TCF4: variants seen among roughly 807,000 people sequenced by gnomAD.
The protein encoded by TCF4 is SL3-3 enhancer factor 2.
Under a neutral mutation model 82.1 loss-of-function variants are expected in TCF4, and 3 were observed. The observed-to-expected ratio is 0.04, with a 90% CI of 0.02 to 0.09. The LOEUF is 0.09. Ranked by LOEUF, TCF4 falls within the 10% of genes least tolerant of loss-of-function variation. The probability of loss-of-function intolerance (pLI) is 1.00; values close to 1 mark genes in which losing one functional copy is unlikely to be tolerated. For synonymous variants in TCF4, 276 were observed against 309.6 expected, an observed-to-expected ratio of 0.89 and a Z score of 1.14; for missense variants, 518 against 852.7, an observed-to-expected ratio of 0.61 and a Z score of 4.89.
intron 2 of TCF4, among the ~76,000 whole-genome samples, chr18:55,612,920 C>T (rs1474229005): frequency 6.6e-6 from 1 of 152,112 alleles, no homozygotes; most frequent in African/African-American, 2.4e-5. Context: ...TGCACTCCAG[C>T]CTGGGCAACA....
chr18:55,310,143 T>C (rs1223771849), intron 8 of TCF4, among the ~76,000 whole-genome samples: 1 of 152,176 alleles, frequency 6.6e-6, no homozygotes, highest in Admixed American at 6.5e-5. Flanking sequence ...AAAGTAAACC[T>C]AAACACATCA....
chr18:55,633,022 G>T lies in TCF4; in HGVS notation c.196-1634C>A, dbSNP rs1270896809. Reference sequence around the variant, plus strand: ...AGTCTTTGGTCAGTGGATGGTAAATGAAGGTTTTCTTATGTATTAGTTATC... The same window carrying T: ...AGTCTTTGGTCAGTGGATGGTAAATTAAGGTTTTCTTATGTATTAGTTATC... On this transcript the variant is annotated intron_variant, in intron 1 of 20. Transcript: ENST00000398339. This position sits in a 1 kb window ranked among gnomAD's most constrained non-coding sequence, Gnocchi z 4.0. Among the ~76,000 whole-genome samples, 1 of 152,224 alleles carries T rather than the reference G, an allele frequency of 6.6e-6. No homozygotes were observed.
At chr18:55,579,531 A>G (rs1204455587) in intron 3 of TCF4, among the ~76,000 whole-genome samples, 1 of 152,012 alleles carries the variant, frequency 6.6e-6, no homozygotes, top group East Asian at 1.9e-4. Flanking sequence ...TCTGTATAAA[A>G]TCTGACTTAT....
intron 15 of TCF4, among the ~76,000 whole-genome samples, chr18:55,248,472 C>T (rs555550419): frequency 5.3e-5 from 8 of 152,210 alleles, no homozygotes; most frequent in Non-Finnish European, 7.4e-5. Flanking sequence ...GCTCCCATGA[C>T]TATGTACCAA....
At chr18:55,632,037 T>TTTTTG (rs890158367) in intron 1 of TCF4, among the ~76,000 whole-genome samples, 6 of 152,120 alleles carry the variant, frequency 3.9e-5, no homozygotes, top group South Asian at 2.1e-4. Context: ...GTTGTTGTTG[T>TTTTTG]TTTTGTTTTG....
At chr18:55,617,099 C>T (rs116971134) in intron 2 of TCF4, among the ~76,000 whole-genome samples, 409 of 152,176 alleles carry the variant, frequency 2.7e-3, no homozygotes, top group Middle Eastern at 6.8e-3. Context: ...TGAAAAATTA[C>T]ATTTAAATCT....
intron 2 of TCF4, among the ~76,000 whole-genome samples, chr18:55,621,660 TAC>T (rs1383474723): frequency 4.1e-5 from 2 of 49,206 alleles, no homozygotes; most frequent in South Asian, 1.8e-3. Flanking sequence ...TTATATAATA[TAC>T]ATTATATAAT....
intron 6 of TCF4, chr18:55,351,762 A>G: frequency 1.4e-6 from 1 of 690,358 alleles, no homozygotes; most frequent in Non-Finnish European, 1.8e-6. Flanking sequence ...ATTATATAAT[A>G]TTACATTTTC....
intron 6 of TCF4, among the ~76,000 whole-genome samples, chr18:55,394,664 T>C (rs1382182417): frequency 6.6e-6 from 1 of 152,226 alleles, no homozygotes; most frequent in Non-Finnish European, 1.5e-5. Flanking sequence ...AAGCAACATT[T>C]GCATGTTGGA....
chr18:55,232,777 T>C (rs778931423), intron 16 of TCF4, 106 bp from the exon 17 acceptor site: 19 of 1,419,452 alleles, frequency 1.3e-5, no homozygotes, highest in Non-Finnish European at 1.7e-5. Context: ...ACTGTGATCC[T>C]TCTGTCACTT....
chr18:55,498,884 G>T (rs1347899492), intron 3 of TCF4, among the ~76,000 whole-genome samples: 1 of 152,096 alleles, frequency 6.6e-6, no homozygotes, highest in East Asian at 1.9e-4. Context: ...CCTTTTATTT[G>T]TAAGTACCCC....
intron 14 of TCF4, among the ~76,000 whole-genome samples, chr18:55,255,243 C>T (rs2056489120): frequency 6.6e-6 from 1 of 152,096 alleles, no homozygotes; most frequent in South Asian, 2.1e-4. Context: ...GTGTTTCTGG[C>T]TTCCTGTCAT....
intron 10 of TCF4, 86 bp downstream of exon 10, chr18:55,275,533 G>A (rs2061345831): frequency 1.3e-6 from 2 of 1,578,662 alleles, no homozygotes; most frequent in Non-Finnish European, 1.7e-6. Context: ...TATTTGCAGA[G>A]TCCTTGTGTA....
chr18:55,379,423 A>G (rs2091482850), intron 6 of TCF4, among the ~76,000 whole-genome samples: 2 of 152,146 alleles, frequency 1.3e-5, no homozygotes, highest in South Asian at 4.1e-4. Context: ...GGCAAGAATT[A>G]CATCTCAGGG....
At chr18:55,238,637 A>T (rs561331123) in intron 15 of TCF4, among the ~76,000 whole-genome samples, 1 of 152,234 alleles carries the variant, frequency 6.6e-6, no homozygotes, top group East Asian at 1.9e-4. Context: ...TAGGTTTTGG[A>T]CTCAGAGAGC....
At chr18:55,430,664 G>A (rs963521381) in intron 5 of TCF4, among the ~76,000 whole-genome samples, 3 of 151,900 alleles carry the variant, frequency 2.0e-5, no homozygotes, top group African/African-American at 4.8e-5. Flanking sequence ...AGTAGTGAGC[G>A]AAACAGAAGG....
At chr18:55,244,688 A>C (rs915763922) in intron 15 of TCF4, among the ~76,000 whole-genome samples, 3 of 152,168 alleles carry the variant, frequency 2.0e-5, no homozygotes, top group African/African-American at 2.4e-5. Context: ...TCAGTTCTAT[A>C]TCTCAAGGTT....
intron 2 of TCF4, among the ~76,000 whole-genome samples, chr18:55,604,467 G>C (rs1407417350): frequency 6.6e-6 from 1 of 152,186 alleles, no homozygotes; most frequent in African/African-American, 2.4e-5. Context: ...AAAGGAGGGA[G>C]TGCAAGAGGC....
intron 8 of TCF4, among the ~76,000 whole-genome samples, chr18:55,346,242 A>T (rs970145206): frequency 6.6e-6 from 1 of 152,184 alleles, no homozygotes; most frequent in Non-Finnish European, 1.5e-5. Context: ...TCCTTATGAA[A>T]ATTGGTGAAC....
Sources: allele counts gnomAD v4.1 joint callset (sites outside exome capture counted in the v4.1 genomes callset), GRCh38; gene constraint gnomAD v4.1.1; non-coding constraint Gnocchi (gnomAD v3.1); transcripts MANE v1.5; gene names NCBI Gene and HGNC (gene_info 2026-07-23, HGNC 2026-07-21).